Variants in DRC8 observed in about 807,000 individuals in gnomAD.
DRC8 encodes the protein dynein regulatory complex protein 8.
chr1:245,056,944 A>AAAAAAAG, the DRC8 span, among the ~76,000 whole-genome samples: 2 of 151,748 alleles, frequency 1.3e-5, no homozygotes, highest in African/African-American at 2.4e-5. Context: ...TCAAAAAAAA[A>AAAAAAAG]AAGAAAAAGG....
chr1:245,026,333 G>T, the DRC8 span, among the ~76,000 whole-genome samples: 1 of 152,150 alleles, frequency 6.6e-6, no homozygotes, highest in Non-Finnish European at 1.5e-5. Flanking sequence ...ATTTGTAATG[G>T]ATTAGAAATA....
At chr1:245,039,218 T>G in the DRC8 span, among the ~76,000 whole-genome samples, 3 of 139,992 alleles carry the variant, frequency 2.1e-5, no homozygotes, top group Admixed American at 7.6e-5. Context: ...TAAAAAACAT[T>G]TTATTTTGAA....
the DRC8 span, among the ~76,000 whole-genome samples, chr1:245,037,684 AAGAT>A: frequency 6.6e-6 from 1 of 152,200 alleles, no homozygotes; most frequent in Non-Finnish European, 1.5e-5. Flanking sequence ...GAAGGTAGAA[AAGAT>A]AGAAGAAAGA....
the DRC8 span, among the ~76,000 whole-genome samples, chr1:245,118,518 G>A: frequency 5.3e-5 from 8 of 152,144 alleles, no homozygotes; most frequent in Non-Finnish European, 8.8e-5. Flanking sequence ...TAAGCCGGGC[G>A]CAGTGGCTCA....
At chr1:245,007,551 G>A in the DRC8 span, among the ~76,000 whole-genome samples, 1 of 152,184 alleles carries the variant, frequency 6.6e-6, no homozygotes, top group South Asian at 2.1e-4. Context: ...AATTGACTTA[G>A]AGACAGACAG....
chr1:245,048,463 C>T, the DRC8 span, among the ~76,000 whole-genome samples: 4 of 151,482 alleles, frequency 2.6e-5, no homozygotes, highest in Non-Finnish European at 4.4e-5. Flanking sequence ...TTTCTGTTAT[C>T]CTTTGTTATT....
the DRC8 span, chr1:244,969,944 C>G: frequency 2.0e-6 from 1 of 498,368 alleles, no homozygotes; most frequent in Non-Finnish European, 3.5e-6. Context: ...CTTGGGAGCC[C>G]AGCTCTTCAC....
chr1:244,990,794 C>A, the DRC8 span, among the ~76,000 whole-genome samples: 1 of 151,866 alleles, frequency 6.6e-6, no homozygotes, highest in Non-Finnish European at 1.5e-5. Flanking sequence ...AGCCACTGCG[C>A]CTGGCCTAAT....
the DRC8 span, among the ~76,000 whole-genome samples, chr1:245,033,348 G>A: frequency 2.2e-4 from 33 of 152,218 alleles, no homozygotes; most frequent in Non-Finnish European, 5.9e-5. Flanking sequence ...ATTCTGCCGA[G>A]TTCTCCTCTC....
the DRC8 span, among the ~76,000 whole-genome samples, chr1:245,054,640 G>A: frequency 3.3e-5 from 5 of 151,890 alleles, no homozygotes; most frequent in South Asian, 2.1e-4. Context: ...TTCTTGGATC[G>A]TTCCTTGAAT....
At chr1:245,014,345 A>G in the DRC8 span, among the ~76,000 whole-genome samples, 1 of 152,236 alleles carries the variant, frequency 6.6e-6, no homozygotes, top group Non-Finnish European at 1.5e-5. Flanking sequence ...TGAATAGACA[A>G]TTCATAACAT....
chr1:245,097,440 C>T, the DRC8 span, among the ~76,000 whole-genome samples: 1 of 151,926 alleles, frequency 6.6e-6, no homozygotes, highest in African/African-American at 2.4e-5. This position sits in a 1 kb window ranked among gnomAD's most constrained non-coding sequence, Gnocchi z 5.0. Flanking sequence ...ATTGCTTCAA[C>T]CCAGGAGGCA....
the DRC8 span, among the ~76,000 whole-genome samples, chr1:244,998,571 C>T: frequency 1.3e-5 from 2 of 152,106 alleles, no homozygotes; most frequent in African/African-American, 4.8e-5. Flanking sequence ...ACCCCCTTCC[C>T]CCAATTGGCT....
the DRC8 span, chr1:245,017,411 A>G: frequency 7.5e-7 from 1 of 1,331,536 alleles, no homozygotes; most frequent in Non-Finnish European, 1.0e-6. Flanking sequence ...CTCTTTTTAC[A>G]CTGTACCTTG....
chr1:244,977,448 G>A, the DRC8 span, among the ~76,000 whole-genome samples: 1 of 152,156 alleles, frequency 6.6e-6, no homozygotes, highest in Non-Finnish European at 1.5e-5. Context: ...ACTTTGGGAG[G>A]CTGAGGTAGG....
the DRC8 span, among the ~76,000 whole-genome samples, chr1:245,061,750 A>G: frequency 2.6e-5 from 4 of 152,248 alleles, no homozygotes; most frequent in Non-Finnish European, 5.9e-5. Context: ...TCATATTGCT[A>G]AATGTTCTAT....
chr1:245,021,046 G>T, the DRC8 span, among the ~76,000 whole-genome samples: 2 of 152,060 alleles, frequency 1.3e-5, 1 homozygote, highest in African/African-American at 4.8e-5. Flanking sequence ...TATTTACATT[G>T]AACGTATGTA....
the DRC8 span, among the ~76,000 whole-genome samples, chr1:245,027,451 GA>G: frequency 6.6e-6 from 1 of 151,794 alleles, no homozygotes; most frequent in African/African-American, 2.4e-5. Flanking sequence ...TGGGACAAAA[GA>G]AAAAAAATTA....
chr1:245,058,241 TA>T, the DRC8 span, among the ~76,000 whole-genome samples: 3 of 150,372 alleles, frequency 2.0e-5, no homozygotes, highest in South Asian at 2.1e-4. Flanking sequence ...AGACCCTTTC[TA>T]AAAATAATAA....
Sources: allele counts gnomAD v4.1 joint callset (sites outside exome capture counted in the v4.1 genomes callset), GRCh38; gene constraint gnomAD v4.1.1; non-coding constraint Gnocchi (gnomAD v3.1); transcripts MANE v1.5; gene names NCBI Gene and HGNC (gene_info 2026-07-23, HGNC 2026-07-21).